Variants in EYS observed in about 807,000 individuals in gnomAD.
EYS encodes the protein EGF-like photoreceptor maintenance factor.
In EYS, 250 loss-of-function variants were observed where a neutral mutation model predicts 282.1. That is an observed-to-expected ratio of 0.89 (90% CI 0.80 to 0.98). The LOEUF (loss-of-function observed/expected upper bound fraction) is 0.98. Ranked by LOEUF, EYS falls within the 50% of genes least tolerant of loss-of-function variation. The pLI, the probability that EYS is intolerant of heterozygous loss-of-function variation, is 0.00. For synonymous variants in EYS, 1,355 were observed against 1,282.9 expected, an observed-to-expected ratio of 1.06 and a Z score of -1.20; for missense variants, 4,016 against 3,709.0, an observed-to-expected ratio of 1.08 and a Z score of -2.15.
intron 14 of EYS, among the ~76,000 whole-genome samples, chr6:64,974,452 T>C (rs950417281): frequency 3.3e-5 from 5 of 149,364 alleles, no homozygotes; most frequent in Admixed American, 2.6e-4. Context: ...AATCAGACTA[T>C]CTAGTAATGG....
At chr6:64,117,676 A>G (rs902124837) in intron 31 of EYS, among the ~76,000 whole-genome samples, 2 of 151,886 alleles carry the variant, frequency 1.3e-5, no homozygotes, top group Non-Finnish European at 2.9e-5. Context: ...ATTCTTACTC[A>G]ACATAGTACT....
At chr6:64,795,487 T>G (rs1396695425) in intron 22 of EYS, among the ~76,000 whole-genome samples, 2 of 152,204 alleles carry the variant, frequency 1.3e-5, no homozygotes, top group Non-Finnish European at 2.9e-5. Context: ...CACATTTTTA[T>G]GCAGTATCAA....
chr6:65,523,748 T>C (rs867205028), intron 2 of EYS, among the ~76,000 whole-genome samples: 5 of 152,214 alleles, frequency 3.3e-5, no homozygotes, highest in South Asian at 2.1e-4. Flanking sequence ...GGAAATTATA[T>C]AGCTACATCA....
At chr6:64,032,526 C>T (rs1769902572) in intron 33 of EYS, among the ~76,000 whole-genome samples, 1 of 152,178 alleles carries the variant, frequency 6.6e-6, no homozygotes, top group African/African-American at 2.4e-5. Flanking sequence ...AGTTCTGACA[C>T]TATCTGGAGT....
At chr6:65,335,216 G>C in intron 10 of EYS, 70 bp from the exon 11 acceptor site, 2 of 1,014,088 alleles carry the variant, frequency 2.0e-6, no homozygotes, top group Non-Finnish European at 3.1e-6. Context: ...ATTGTGACCT[G>C]AGAGATCATG....
chr6:64,382,831 G>T (rs1772790367), intron 29 of EYS, among the ~76,000 whole-genome samples: 1 of 152,158 alleles, frequency 6.6e-6, no homozygotes, highest in African/African-American at 2.4e-5. Context: ...ATACATAGAT[G>T]CAGAGCTGAA....
chr6:65,699,634 A>T (rs968261931), intron 1 of EYS, among the ~76,000 whole-genome samples: 1 of 152,190 alleles, frequency 6.6e-6, no homozygotes, highest in Non-Finnish European at 1.5e-5. Context: ...CTGATGGGGT[A>T]CTTATCAGCA....
rs143331395 is a variant in EYS, at chr6:63,832,798, A to T, written c.7229-26426T>A. Among the ~76,000 whole-genome samples, 400 of 152,354 alleles carry T rather than the reference A, an allele frequency of 2.6e-3. 1 individual carries two copies. The highest frequency in any genetic ancestry group is 9.2e-3 in the African/African-American group (384 of 41,582). On this transcript the variant is annotated intron_variant, in intron 36 of 42. Coordinates refer to ENST00000503581, the MANE Select transcript of EYS (RefSeq NM_001142800.2). ...TTTTAGACCAATATTCCTGGTGAAC[A>T]TCAATGTAAAAATCCTCAATAAAAT...
chr6:65,396,936 A>G (rs1766299615), intron 7 of EYS, among the ~76,000 whole-genome samples: 1 of 151,596 alleles, frequency 6.6e-6, no homozygotes, highest in African/African-American at 2.4e-5. Context: ...ACCCATTTCT[A>G]CTACTATCTA....
chr6:64,686,541 A>T (rs951826104), intron 22 of EYS, among the ~76,000 whole-genome samples: 1 of 150,804 alleles, frequency 6.6e-6, no homozygotes, highest in Admixed American at 6.6e-5. Context: ...GGAGATCGAG[A>T]CCATCCTGGT....
intron 31 of EYS, among the ~76,000 whole-genome samples, chr6:64,125,154 G>GCGCGCGCGCGCTCTCTCTCTCTCTC (rs1773724746): frequency 1.2e-4 from 17 of 145,328 alleles, no homozygotes; most frequent in African/African-American, 4.2e-4. Context: ...CACACTCTCT[G>GCGCGCGCGCGCTCTCTCTCTCTCTC]TCTCTCTCTC....
intron 26 of EYS, among the ~76,000 whole-genome samples, chr6:64,567,775 A>C (rs1765606970): frequency 6.6e-6 from 1 of 152,238 alleles, no homozygotes; most frequent in Non-Finnish European, 1.5e-5. Context: ...CGGTATCTTA[A>C]GAGCAATAAA....
At chr6:65,639,367 T>A (rs1421702758) in intron 2 of EYS, among the ~76,000 whole-genome samples, 1 of 152,034 alleles carries the variant, frequency 6.6e-6, no homozygotes, top group Non-Finnish European at 1.5e-5. Context: ...TCTAGAAGAA[T>A]AAAAACCTGT....
intron 12 of EYS, among the ~76,000 whole-genome samples, chr6:65,262,457 A>C (rs2150259053): frequency 6.6e-6 from 1 of 152,236 alleles, no homozygotes; most frequent in South Asian, 2.1e-4. Flanking sequence ...TCATTCACTT[A>C]GAAAATGACA....
At chr6:63,754,427 G>A (rs1390829600) in intron 41 of EYS, among the ~76,000 whole-genome samples, 2 of 152,026 alleles carry the variant, frequency 1.3e-5, no homozygotes, top group African/African-American at 4.8e-5. Context: ...CCACTTATGA[G>A]TGAGAACATG....
chr6:64,878,743 C>A (rs1412198330), intron 19 of EYS, among the ~76,000 whole-genome samples: 2 of 150,192 alleles, frequency 1.3e-5, no homozygotes, highest in Non-Finnish European at 1.5e-5. Flanking sequence ...AGGCTGGGAA[C>A]ATGGGAAATA....
At chr6:64,451,289 C>G (rs576315787) in intron 26 of EYS, among the ~76,000 whole-genome samples, 1 of 152,188 alleles carries the variant, frequency 6.6e-6, no homozygotes, top group Non-Finnish European at 1.5e-5. Context: ...GACACACACA[C>G]TCTCCCAAGA....
intron 22 of EYS, among the ~76,000 whole-genome samples, chr6:64,657,313 G>A (rs991317400): frequency 1.2e-4 from 18 of 152,104 alleles, no homozygotes; most frequent in Non-Finnish European, 2.2e-4. Flanking sequence ...TATCCAATTT[G>A]CCAGTCTGTG....
intron 2 of EYS, among the ~76,000 whole-genome samples, chr6:65,598,418 T>C (rs1222493514): frequency 6.6e-6 from 1 of 151,996 alleles, no homozygotes; most frequent in Non-Finnish European, 1.5e-5. Flanking sequence ...CAATGATTTT[T>C]AACCAATATT....
Sources: allele counts gnomAD v4.1 joint callset (sites outside exome capture counted in the v4.1 genomes callset), GRCh38; gene constraint gnomAD v4.1.1; transcripts MANE v1.5; gene names NCBI Gene and HGNC (gene_info 2026-07-23, HGNC 2026-07-21).